The following PCDHA7 variants were observed in gnomAD, a reference collection of about 807,000 sequenced individuals.
PCDHA7 encodes the protein protocadherin alpha 7.
In PCDHA7, 37 loss-of-function variants were observed where a neutral mutation model predicts 57.2. The ratio of observed to expected loss-of-function variants is 0.65; its 90% confidence interval spans 0.50 to 0.85. PCDHA7 has a LOEUF of 0.85. Ranked by LOEUF, PCDHA7 falls within the 40% of genes least tolerant of loss-of-function variation. PCDHA7 has a pLI of 0.00. For missense variants in PCDHA7, 1,188 were observed against 1,241.8 expected (o/e 0.96, Z 0.65); for synonymous variants, 553 against 558.8 (o/e 0.99, Z 0.15).
At chr5:140,865,342 T>C (rs1437907469) in intron 1 of PCDHA7, 1 of 152,320 alleles carries the variant, frequency 6.6e-6, no homozygotes, top group African/African-American at 2.4e-5. Context: ...AAAGAAATAG[T>C]ATATTTACAT....
chr5:140,935,995 C>G (rs1282709145), intron 1 of PCDHA7, among the ~76,000 whole-genome samples: 1 of 150,774 alleles, frequency 6.6e-6, no homozygotes, highest in African/African-American at 2.4e-5. Context: ...CGGGTTCAAG[C>G]GATTCTCCCA....
intron 1 of PCDHA7, among the ~76,000 whole-genome samples, chr5:140,933,221 G>A (rs952837794): frequency 2.0e-5 from 3 of 151,758 alleles, no homozygotes; most frequent in Non-Finnish European, 4.4e-5. Flanking sequence ...CTGTTATATT[G>A]CATTTATGAA....
chr5:140,978,791 A>T (rs1443899144), intron 1 of PCDHA7, 158 bp from the exon 2 acceptor site: 1 of 976,042 alleles, frequency 1.0e-6, no homozygotes, highest in South Asian at 4.7e-5. Flanking sequence ...AAAGTGCTAT[A>T]TATGTAGATA....
intron 3 of PCDHA7, among the ~76,000 whole-genome samples, chr5:140,988,416 A>G (rs1462025901): frequency 6.6e-6 from 1 of 152,118 alleles, no homozygotes; most frequent in Non-Finnish European, 1.5e-5. Flanking sequence ...AGCTTATGTA[A>G]AGAATTTGTT....
At chr5:140,846,321 T>C (rs1780323093) in intron 1 of PCDHA7, among the ~76,000 whole-genome samples, 1 of 149,102 alleles carries the variant, frequency 6.7e-6, no homozygotes, top group Admixed American at 6.7e-5. Context: ...TGTAGAGTGT[T>C]GTAAATAGCC....
At chr5:141,008,488 C>A (rs1300609417) in intron 3 of PCDHA7, among the ~76,000 whole-genome samples, 1 of 152,124 alleles carries the variant, frequency 6.6e-6, no homozygotes, top group Non-Finnish European at 1.5e-5. Flanking sequence ...CTAGAAGTCA[C>A]TGGTATACTT....
chr5:140,950,809 A>G (rs1554219635), intron 1 of PCDHA7, among the ~76,000 whole-genome samples: 1 of 152,102 alleles, frequency 6.6e-6, no homozygotes, highest in African/African-American at 2.4e-5. Context: ...GTTTTACCAT[A>G]GTAGGGTTAA....
intron 1 of PCDHA7, chr5:140,856,054 T>G: frequency 6.3e-7 from 1 of 1,586,304 alleles, no homozygotes; most frequent in Non-Finnish European, 8.6e-7. Flanking sequence ...ATAAGATGGT[T>G]TCCAGATGTA....
chr5:140,949,798 A>G (rs1021470816), intron 1 of PCDHA7, among the ~76,000 whole-genome samples: 1 of 151,786 alleles, frequency 6.6e-6, no homozygotes, highest in South Asian at 2.1e-4. Context: ...GTGTCCTTCA[A>G]TACATTATTT....
At chr5:140,842,099 A>G (rs1554138785) in intron 1 of PCDHA7, 1 of 1,613,876 alleles carries the variant, frequency 6.2e-7, no homozygotes, top group Non-Finnish European at 8.5e-7. Flanking sequence ...CAACGGAACA[A>G]CAGTTATCAA....
chr5:140,943,005 C>T (rs1383622610), intron 1 of PCDHA7, among the ~76,000 whole-genome samples: 2 of 151,608 alleles, frequency 1.3e-5, no homozygotes, highest in African/African-American at 4.8e-5. Context: ...GCCTGTAATC[C>T]CAGCACTTTG....
At chr5:140,849,221 C>T (rs1383448278) in intron 1 of PCDHA7, 3 of 1,037,238 alleles carry the variant, frequency 2.9e-6, no homozygotes, top group Admixed American at 2.8e-5. Flanking sequence ...CCCCAGTGTT[C>T]GACAGAACCC....
intron 1 of PCDHA7, chr5:140,842,739 A>G: frequency 6.3e-7 from 1 of 1,595,048 alleles, no homozygotes; most frequent in South Asian, 1.1e-5. Context: ...CCGGGCTGCC[A>G]CATCTTCACG....
intron 1 of PCDHA7, among the ~76,000 whole-genome samples, chr5:140,961,681 G>A (rs911141843): frequency 3.9e-5 from 6 of 152,152 alleles, no homozygotes; most frequent in African/African-American, 9.7e-5. Context: ...TAATTAAGCC[G>A]GAGTAGTCCT....
intron 1 of PCDHA7, among the ~76,000 whole-genome samples, chr5:140,951,082 C>CT (rs573059224): frequency 1.2e-3 from 178 of 151,520 alleles, no homozygotes; most frequent in African/African-American, 4.1e-3. Context: ...TTATATTTTC[C>CT]TTTTTTTCTG....
At chr5:140,846,138 T>C (rs1780216655) in intron 1 of PCDHA7, among the ~76,000 whole-genome samples, 1 of 149,702 alleles carries the variant, frequency 6.7e-6, no homozygotes, top group Non-Finnish European at 1.5e-5. Flanking sequence ...ATGTTTCCCA[T>C]ATTTAAAAGT....
chr5:140,851,337 C>G, intron 1 of PCDHA7: 5 of 979,030 alleles, frequency 5.1e-6, no homozygotes, highest in Non-Finnish European at 6.2e-6. Flanking sequence ...TAGTTCTCTA[C>G]ATTTCTCTGG....
At position 141,010,202 on chromosome 5, in the gene PCDHA7, G is replaced by C; in HGVS notation, c.*265G>C. 6.4e-7 allele frequency: 1 copy of C among 1,551,944 alleles called. No homozygotes were observed. The highest frequency in any genetic ancestry group is 8.7e-7 in the Non-Finnish European group (1 of 1,147,050). The stretch of plus-strand genomic sequence containing the variant: ...CAGACCCAAGTTTCCTTTCTCCTCC[G>C]CCGCAAAGGAGAGGCTTCCCAGCCC... On this transcript the variant is annotated 3_prime_UTR_variant, in exon 4 of 4. Coordinates refer to ENST00000525929, the MANE Select transcript of PCDHA7 (RefSeq NM_018910.3).
At position 140,931,063 on chromosome 5, in the gene PCDHA7, A is replaced by C. The variant is rs1584700470; in HGVS notation, c.2356-47886A>C. Among the ~76,000 whole-genome samples, 4 of 152,202 alleles carry C rather than the reference A, an allele frequency of 2.6e-5. No individual in the cohort carries two copies. In the South Asian group the frequency reaches 8.3e-4, roughly 31 times the overall value. On this transcript the variant is annotated intron_variant, in intron 1 of 3. Coordinates refer to ENST00000525929, the MANE Select transcript of PCDHA7 (RefSeq NM_018910.3). ...GAAAAACTTCAATGCTGTGTCTGGGACTAAGTATGAGTCCAGTTCTACAGA... is the reference window on the plus strand; with the variant it reads ...GAAAAACTTCAATGCTGTGTCTGGGCCTAAGTATGAGTCCAGTTCTACAGA...
Sources: gnomAD v4.1 joint callset for allele counts (sites outside exome capture counted in the v4.1 genomes callset) on GRCh38, gnomAD v4.1.1 for gene constraint, MANE v1.5 for transcripts, NCBI Gene and HGNC (gene_info 2026-07-23, HGNC 2026-07-21) for gene names.